The following FAF1 variants were observed in gnomAD, a reference collection of about 807,000 sequenced individuals.
The protein encoded by FAF1 is Fas associated factor 1, also known as FAS-associated factor 1.
In FAF1, 25 loss-of-function variants were observed where a neutral mutation model predicts 92.5. The observed-to-expected ratio is 0.27, with a 90% CI of 0.20 to 0.38. The LOEUF (loss-of-function observed/expected upper bound fraction) is 0.38, where lower values mean the gene tolerates loss of function less well. FAF1 is among the 10% of genes least tolerant of loss of function. The pLI is 1.00. For synonymous variants in FAF1, 234 were observed against 273.2 expected, an observed-to-expected ratio of 0.86 and a Z score of 1.42; for missense variants, 636 against 793.3, an observed-to-expected ratio of 0.80 and a Z score of 2.38.
At chr1:50,705,587 A>C (rs1657640993) in intron 7 of FAF1, among the ~76,000 whole-genome samples, 199 bp downstream of exon 7, 1 of 152,218 alleles carries the variant, frequency 6.6e-6, no homozygotes, top group South Asian at 2.1e-4. Flanking sequence ...AATTATCAAG[A>C]GTTCCCATTT....
intron 1 of FAF1, among the ~76,000 whole-genome samples, chr1:50,874,253 A>C: frequency 6.6e-6 from 1 of 152,078 alleles, no homozygotes; most frequent in Admixed American, 6.6e-5. Context: ...ATTGTTTATT[A>C]TTTTCTTCAT....
chr1:50,957,913 AAT>A (rs1331296116), intron 1 of FAF1, among the ~76,000 whole-genome samples: 1 of 152,196 alleles, frequency 6.6e-6, no homozygotes, highest in Non-Finnish European at 1.5e-5. Context: ...TACACCTTGA[AAT>A]ATAGAGTCCT....
chr1:50,813,567 C>G (rs1248253047), intron 2 of FAF1, among the ~76,000 whole-genome samples: 1 of 152,056 alleles, frequency 6.6e-6, no homozygotes, highest in Non-Finnish European at 1.5e-5. Flanking sequence ...CTGAAGCAAT[C>G]CTCCCACCTC....
intron 18 of FAF1, among the ~76,000 whole-genome samples, chr1:50,472,991 T>G (rs1482641040): frequency 6.6e-6 from 1 of 152,168 alleles, no homozygotes; most frequent in Non-Finnish European, 1.5e-5. Context: ...GTCTGGAATC[T>G]GGGTGGGCCT....
At chr1:50,902,278 CAT>C (rs1299788983) in intron 1 of FAF1, among the ~76,000 whole-genome samples, 2 of 152,146 alleles carry the variant, frequency 1.3e-5, no homozygotes, top group Non-Finnish European at 2.9e-5. Flanking sequence ...CCACTAACCA[CAT>C]GTGACTACCA....
At chr1:50,483,393 T>G (rs1646725017) in intron 17 of FAF1, among the ~76,000 whole-genome samples, 1 of 152,162 alleles carries the variant, frequency 6.6e-6, no homozygotes, top group Non-Finnish European at 1.5e-5. Context: ...TTGATTATAG[T>G]AAGTCCTGCA....
At chr1:50,601,733 T>A (rs199710646) in intron 8 of FAF1, among the ~76,000 whole-genome samples, 1 of 151,090 alleles carries the variant, frequency 6.6e-6, no homozygotes, top group East Asian at 1.9e-4. Context: ...TATATTCATA[T>A]ACACACATAT....
chr1:50,630,864 T>C (rs1017511853), intron 8 of FAF1, among the ~76,000 whole-genome samples: 7 of 142,454 alleles, frequency 4.9e-5, no homozygotes, highest in Admixed American at 4.4e-4. Flanking sequence ...AGTCTCACTC[T>C]GTCGCCCAGG....
intron 1 of FAF1, among the ~76,000 whole-genome samples, chr1:50,915,326 C>T (rs1042122291): frequency 4.0e-5 from 6 of 149,992 alleles, no homozygotes; most frequent in Non-Finnish European, 7.4e-5. Flanking sequence ...GCCAAGATCA[C>T]GCCATTGCAC....
chr1:50,647,299 T>C (rs1304597888), intron 8 of FAF1, among the ~76,000 whole-genome samples: 1 of 152,258 alleles, frequency 6.6e-6, no homozygotes, highest in Non-Finnish European at 1.5e-5. Context: ...CAACCACTGA[T>C]ACACTGCTAA....
At position 50,611,345 on chromosome 1, in the gene FAF1, A is replaced by G. The variant is rs577042529; in HGVS notation, c.745-15129T>C. Among the ~76,000 whole-genome samples the G allele has an allele frequency of 8.5e-5, 13 of 152,356 alleles. No individual in the cohort carries two copies. In the East Asian group the frequency reaches 2.5e-3, roughly 29 times the overall value. On this transcript the variant is annotated intron_variant, in intron 8 of 18. Coordinates refer to ENST00000396153, the MANE Select transcript of FAF1 (RefSeq NM_007051.3). ...AGACAAGGTAGATATTAACACAAAA[A>G]GAAAAAGGAAAAACCTCACACCCTT...
At chr1:50,559,615 C>T (rs1040977951) in intron 13 of FAF1, among the ~76,000 whole-genome samples, 2 of 152,192 alleles carry the variant, frequency 1.3e-5, no homozygotes, top group African/African-American at 4.8e-5. Flanking sequence ...AGAACGCAAA[C>T]CTTGAGTTAA....
intron 7 of FAF1, among the ~76,000 whole-genome samples, chr1:50,676,781 C>T (rs370358206): frequency 1.5e-4 from 23 of 152,216 alleles, no homozygotes; most frequent in African/African-American, 4.8e-4. Context: ...AAGATCCTGC[C>T]ACTGCACTCT....
At chr1:50,541,985 A>G (rs937719089) in intron 13 of FAF1, among the ~76,000 whole-genome samples, 4 of 152,210 alleles carry the variant, frequency 2.6e-5, no homozygotes, top group Non-Finnish European at 5.9e-5. Context: ...TGCGGTGCAG[A>G]TCGCAAAGCA....
chr1:50,517,260 T>C (rs530737046), intron 15 of FAF1, among the ~76,000 whole-genome samples: 226 of 152,272 alleles, frequency 1.5e-3, no homozygotes, highest in African/African-American at 5.3e-3. Flanking sequence ...AGATAACTAT[T>C]TAATTTGAAT....
intron 1 of FAF1, among the ~76,000 whole-genome samples, chr1:50,903,064 C>T (rs1163767446): frequency 1.3e-5 from 2 of 152,106 alleles, no homozygotes; most frequent in Non-Finnish European, 2.9e-5. Flanking sequence ...TACCTATCTT[C>T]TATCTCCCCT....
intron 1 of FAF1, among the ~76,000 whole-genome samples, chr1:50,886,135 A>G (rs1644661706): frequency 6.6e-6 from 1 of 152,098 alleles, no homozygotes; most frequent in Admixed American, 6.6e-5. Flanking sequence ...ATAGTATTAT[A>G]TTATTCTGTG....
chr1:50,497,572 G>A (rs12059539), intron 15 of FAF1, among the ~76,000 whole-genome samples: 4,215 of 118,440 alleles, frequency 0.036, 233 homozygotes, highest in African/African-American at 0.12. Context: ...TTTTTGTGAC[G>A]GAGTCTCACT....
rs1646162219 is a variant in FAF1, at chr1:50,441,169, G to A, written c.*271C>T. 8.3e-6 allele frequency: 3 copies of A among 360,906 alleles called. No individual in the cohort carries two copies. Among genetic ancestry groups the A allele is most frequent in the Non-Finnish European group, 1.5e-5 (3 of 199,610 alleles). The allele number at this position is 360,906 out of a possible 1,614,324, so 22.4% of individuals were successfully genotyped here. ...TAGTGATCACTCACACTTGAACAATGCATTCGTCATTGAAGGAGGGTGAAG... is the reference window on the plus strand; with the variant it reads ...TAGTGATCACTCACACTTGAACAATACATTCGTCATTGAAGGAGGGTGAAG... On this transcript the variant is annotated 3_prime_UTR_variant, in exon 19 of 19. Coordinates refer to ENST00000396153, the MANE Select transcript of FAF1 (RefSeq NM_007051.3).
Sources: allele counts gnomAD v4.1 joint callset (sites outside exome capture counted in the v4.1 genomes callset), GRCh38; gene constraint gnomAD v4.1.1; transcripts MANE v1.5; gene names NCBI Gene and HGNC (gene_info 2026-07-23, HGNC 2026-07-21).